The following RBFOX1 variants were observed in gnomAD, a reference collection of about 807,000 sequenced individuals.
The protein encoded by RBFOX1 is RNA binding protein fox-1 homolog 1.
Under a neutral mutation model 57.7 loss-of-function variants are expected in RBFOX1, and 8 were observed. That is an observed-to-expected ratio of 0.14 (90% CI 0.08 to 0.25). RBFOX1 has a LOEUF of 0.25. RBFOX1 is among the 10% of genes least tolerant of loss of function. The pLI is 1.00. For missense variants in RBFOX1, 611 were observed against 548.5 expected (o/e 1.11, Z -1.14); for synonymous variants, 326 against 222.4 (o/e 1.47, Z -4.15).
chr16:7,004,478 C>T (rs78273306), intron 3 of RBFOX1, among the ~76,000 whole-genome samples: 2 of 152,054 alleles, frequency 1.3e-5, no homozygotes, highest in South Asian at 2.1e-4. Flanking sequence ...TGGAGCCCAG[C>T]CCAGGTTTGG....
chr16:6,918,259 G>C (rs1189611588), intron 3 of RBFOX1, among the ~76,000 whole-genome samples: 1 of 150,260 alleles, frequency 6.7e-6, no homozygotes. Context: ...TCCAGCCTGG[G>C]TGACAGAGCA....
chr16:7,649,509 G>A (rs999449404), intron 11 of RBFOX1, among the ~76,000 whole-genome samples: 10 of 151,884 alleles, frequency 6.6e-5, no homozygotes, highest in Admixed American at 6.6e-4. Flanking sequence ...CTTCACTTAC[G>A]ATGGAGTCGC....
At chr16:5,862,960 GTCCGGACA>G (rs1411995857) in intron 3 of RBFOX1, among the ~76,000 whole-genome samples, 1 of 152,130 alleles carries the variant, frequency 6.6e-6, no homozygotes, top group African/African-American at 2.4e-5. Flanking sequence ...CATTAACTCA[GTCCGGACA>G]TCTCCTGATG....
intron 2 of RBFOX1, among the ~76,000 whole-genome samples, chr16:6,455,049 ATTTTTT>A (rs34643206): frequency 0.012 from 1,777 of 142,486 alleles, 49 homozygotes; most frequent in African/African-American, 0.043. Context: ...TGCCTGGCTA[ATTTTTT>A]TTTTTTTTTT....
At chr16:5,633,925 C>T (rs2048601641) in intron 3 of RBFOX1, among the ~76,000 whole-genome samples, 1 of 151,704 alleles carries the variant, frequency 6.6e-6, no homozygotes, top group African/African-American at 2.4e-5. Context: ...ACCCAACAAA[C>T]ATACGAAAAA....
In RBFOX1 at chr16:6,795,495, C is replaced by T. The variant is rs148285963; in HGVS notation, c.-16+140845C>T. Among the ~76,000 whole-genome samples the T allele has an allele frequency of 9.5e-3, 1,449 of 152,128 alleles. 36 individuals carry two copies. The highest frequency in any genetic ancestry group is 0.033 in the South Asian group (160 of 4,822). ...AAAGAGAGACATTGTTGGCTGCGCACGTTGGCTCACGTCTGTAATCCCAGC... is the reference window on the plus strand; with the variant it reads ...AAAGAGAGACATTGTTGGCTGCGCATGTTGGCTCACGTCTGTAATCCCAGC... On this transcript the variant is annotated intron_variant, in intron 3 of 15. Coordinates refer to ENST00000550418, the MANE Select transcript of RBFOX1 (RefSeq NM_018723.4).
intron 3 of RBFOX1, among the ~76,000 whole-genome samples, chr16:5,702,040 G>T (rs540054979): frequency 7.2e-5 from 11 of 152,302 alleles, no homozygotes; most frequent in Admixed American, 6.5e-4. Flanking sequence ...GGAGTGAAGA[G>T]AAATCTAGCC....
chr16:5,851,269 C>T (rs543186739), intron 3 of RBFOX1, among the ~76,000 whole-genome samples: 25 of 152,328 alleles, frequency 1.6e-4, no homozygotes, highest in South Asian at 8.3e-4. Flanking sequence ...TTACTGATCA[C>T]GTCCTATCTG....
intron 3 of RBFOX1, among the ~76,000 whole-genome samples, chr16:5,805,256 C>A (rs923389378): frequency 5.9e-5 from 9 of 152,102 alleles, no homozygotes; most frequent in African/African-American, 2.2e-4. Context: ...TAGAGAGGGT[C>A]AGACAGGATG....
intron 1 of RBFOX1, among the ~76,000 whole-genome samples, chr16:5,303,870 T>C (rs1046374487): frequency 6.6e-6 from 1 of 152,120 alleles, no homozygotes; most frequent in African/African-American, 2.4e-5. Flanking sequence ...AGCATCTAAA[T>C]AAGGGAGGAG....
At chr16:6,328,543 A>G (rs547828590) in intron 2 of RBFOX1, among the ~76,000 whole-genome samples, 2 of 152,184 alleles carry the variant, frequency 1.3e-5, no homozygotes, top group Non-Finnish European at 2.9e-5. Context: ...TAAGATTCAA[A>G]TAAACAAAGC....
chr16:7,570,572 C>T (rs1212723122), intron 5 of RBFOX1, among the ~76,000 whole-genome samples: 1 of 152,176 alleles, frequency 6.6e-6, no homozygotes, highest in African/African-American at 2.4e-5. Flanking sequence ...GAAGGATGTA[C>T]ATAGCTGGAC....
chr16:6,344,008 G>C (rs981913366), intron 2 of RBFOX1, among the ~76,000 whole-genome samples: 3 of 152,220 alleles, frequency 2.0e-5, no homozygotes, highest in Non-Finnish European at 2.9e-5. Context: ...CTGGGCATCG[G>C]AGACTGTGAT....
intron 2 of RBFOX1, among the ~76,000 whole-genome samples, chr16:6,363,938 A>T (rs1298863708): frequency 6.6e-6 from 1 of 152,258 alleles, no homozygotes. Flanking sequence ...ATATCGTACA[A>T]TAAAAAGAAA....
intron 2 of RBFOX1, among the ~76,000 whole-genome samples, chr16:5,483,023 C>T (rs1304213199): frequency 6.6e-6 from 1 of 152,192 alleles, no homozygotes; most frequent in East Asian, 1.9e-4. Flanking sequence ...TGTCATCTAT[C>T]GCAGTCAATA....
chr16:5,580,390 G>A (rs1176523831), intron 2 of RBFOX1, among the ~76,000 whole-genome samples: 4 of 152,328 alleles, frequency 2.6e-5, no homozygotes, highest in African/African-American at 9.6e-5. Context: ...ACCATTTTCC[G>A]AGGGGTAAGT....
intron 3 of RBFOX1, among the ~76,000 whole-genome samples, chr16:6,927,439 A>AAAAAAAT (rs869233820): frequency 1.3e-5 from 2 of 149,658 alleles, no homozygotes; most frequent in Non-Finnish European, 3.0e-5. Flanking sequence ...AAAAAAAAAA[A>AAAAAAAT]TCCGAACGTC....
At chr16:7,334,294 T>C (rs887893730) in intron 4 of RBFOX1, among the ~76,000 whole-genome samples, 6 of 152,130 alleles carry the variant, frequency 3.9e-5, no homozygotes, top group African/African-American at 1.4e-4. Context: ...AAATGGGTCA[T>C]CTGGAGAACG....
chr16:6,235,104 C>T (rs2097495433), intron 1 of RBFOX1, among the ~76,000 whole-genome samples: 1 of 152,170 alleles, frequency 6.6e-6, no homozygotes, highest in African/African-American at 2.4e-5. Context: ...TCCTTACAGA[C>T]TCCACTAAGA....
Sources: gnomAD v4.1 joint callset for allele counts (sites outside exome capture counted in the v4.1 genomes callset) on GRCh38, gnomAD v4.1.1 for gene constraint, MANE v1.5 for transcripts, NCBI Gene and HGNC (gene_info 2026-07-23, HGNC 2026-07-21) for gene names.